Variants in ARHGAP17 observed in about 807,000 individuals in gnomAD.
ARHGAP17 encodes the protein rho GTPase-activating protein 17.
In ARHGAP17, 57 loss-of-function variants were observed where a neutral mutation model predicts 99.5. The observed-to-expected ratio is 0.57, with a 90% CI of 0.46 to 0.71. The LOEUF (loss-of-function observed/expected upper bound fraction) is 0.71, where lower values mean the gene tolerates loss of function less well. Ranked by LOEUF, ARHGAP17 falls within the 30% of genes least tolerant of loss-of-function variation. The pLI, the probability that ARHGAP17 is intolerant of heterozygous loss-of-function variation, is 0.00. For missense variants in ARHGAP17, 1,000 were observed against 1,122.4 expected, an observed-to-expected ratio of 0.89 and a Z score of 1.56; for synonymous variants, 417 against 429.6, an observed-to-expected ratio of 0.97 and a Z score of 0.36.
intron 13 of ARHGAP17, among the ~76,000 whole-genome samples, chr16:24,948,189 C>T (rs748161322): frequency 5.9e-5 from 9 of 152,068 alleles, no homozygotes; most frequent in Non-Finnish European, 1.2e-4. Flanking sequence ...AGATGTATTA[C>T]GCAAATACCT....
intron 17 of ARHGAP17, among the ~76,000 whole-genome samples, chr16:24,937,182 G>T (rs1344947579): frequency 6.6e-6 from 1 of 151,602 alleles, no homozygotes; most frequent in Non-Finnish European, 1.5e-5. Context: ...AGCACTTTGG[G>T]AGGCCAAGGC....
Position 24,931,351 on chromosome 16 carries a change from G to T in ARHGAP17, c.1948C>A (p.His650Asn), listed in dbSNP as rs769792964. The T allele has an allele frequency of 1.3e-6, 2 of 1,510,030 alleles. No individual in the cohort carries two copies. Among genetic ancestry groups the T allele is most frequent in the Non-Finnish European group, 8.8e-7 (1 of 1,132,274 alleles). The allele number at this position is 1,510,030 out of a possible 1,614,324, so 93.5% of individuals were successfully genotyped here. A position where few individuals can be genotyped will look rare whatever the true frequency, so the allele number is the denominator to read the frequency against. The change falls in exon 19 of 20, where the codon CAC (histidine) becomes AAC (asparagine). Residue 650 changes from histidine to asparagine, a missense_variant. Physicochemically the swap from His to Asn is moderately conservative, Grantham distance 68 (BLOSUM62 1). This residue lies in a region of ARHGAP17 where 528 missense variants were observed against 511.4 expected (regional missense o/e 1.03). Transcript: ENST00000289968. ...CCTGAAGAACTCTGGCCCCCGGGGT[G>T]GCCAGGAGGTGGGTTGCCCGGTTTC... ...PPKPGNPPPG[H>N]PGGQSSSGTS...
intron 1 of ARHGAP17, among the ~76,000 whole-genome samples, chr16:24,998,163 G>A (rs572020553): frequency 2.6e-5 from 4 of 152,204 alleles, no homozygotes; most frequent in Admixed American, 2.0e-4. Context: ...TGGGCCCCGG[G>A]CACAGGGACG....
intron 1 of ARHGAP17, among the ~76,000 whole-genome samples, chr16:25,000,534 T>C (rs374136769): frequency 6.6e-5 from 10 of 152,168 alleles, no homozygotes; most frequent in East Asian, 3.8e-4. Context: ...CATAAGATTA[T>C]AGGCAAATCT....
At chr16:24,977,811 C>T (rs1401280943) in intron 2 of ARHGAP17, among the ~76,000 whole-genome samples, 2 of 152,118 alleles carry the variant, frequency 1.3e-5, no homozygotes, top group African/African-American at 4.8e-5. Flanking sequence ...TCCCAAAATA[C>T]TATTGCTAGA....
intron 1 of ARHGAP17, among the ~76,000 whole-genome samples, chr16:25,010,721 G>A (rs1010196218): frequency 6.6e-6 from 1 of 152,210 alleles, no homozygotes; most frequent in Non-Finnish European, 1.5e-5. Flanking sequence ...TAGTTAAAAT[G>A]CAGATTTCAG....
At position 24,959,181 on chromosome 16, in the gene ARHGAP17, G is replaced by A. The variant is rs145680125; in HGVS notation, c.724+490C>T. Among the ~76,000 whole-genome samples the A allele has an allele frequency of 3.0e-3, 464 of 152,312 alleles. 6 individuals are homozygous for A. Among genetic ancestry groups the A allele is most frequent in the Non-Finnish European group, 1.1e-3 (72 of 68,022 alleles). On this transcript the variant is annotated intron_variant, in intron 9 of 19. Coordinates refer to ENST00000289968, the MANE Select transcript of ARHGAP17 (RefSeq NM_001006634.3). ...ATAAAGACAAAGGAGGAGTCTGAAC[G>A]AAGCGACCACGGTCTTAGGATTCAA...
rs549215496 is a variant in ARHGAP17, at chr16:24,969,844, GAT to G, written c.272+661_272+662del. Among the ~76,000 whole-genome samples the G allele has an allele frequency of 4.6e-5, 7 of 152,280 alleles. No individual in the cohort carries two copies. The South Asian group carries it at 1.5e-3, about 32-fold the overall frequency. The stretch of plus-strand genomic sequence containing the variant: ...GGAGGAAACTGTTCTAGGACAGCGA[GAT>G]AACTGTAGACGCTGAGAAATGGACT... On this transcript the variant is annotated intron_variant, in intron 4 of 19. Coordinates refer to ENST00000289968, the MANE Select transcript of ARHGAP17 (RefSeq NM_001006634.3).
intron 10 of ARHGAP17, among the ~76,000 whole-genome samples, chr16:24,953,934 C>T (rs928162844): frequency 7.2e-5 from 11 of 152,014 alleles, no homozygotes; most frequent in South Asian, 2.1e-4. Context: ...TTGATCTGAG[C>T]GCCGACTCCA....
chr16:24,975,244 G>A (rs2052480176), intron 3 of ARHGAP17, among the ~76,000 whole-genome samples: 1 of 152,200 alleles, frequency 6.6e-6, no homozygotes, highest in African/African-American at 2.4e-5. Context: ...AACACAGAAG[G>A]AAGAACTGAT....
Position 24,935,631 on chromosome 16 carries a change from T to C in ARHGAP17, c.1733A>G (p.Lys578Arg), listed in dbSNP as rs886509867. ...AGCTGCAGATACAGGGTCCTTCGGT[T>C]TGGGAGGACTAAGAGGAGTAAAAGT... ...GPSPGDGSPP[K>R]PKDPVSAAVP... The change falls in exon 18 of 20, where the codon AAA (lysine) becomes AGA (arginine). Residue 578 changes from lysine to arginine, a missense_variant. Lys to Arg is a conservative substitution (Grantham distance 26). Around this residue, in one of 2 missense-constraint regions of ARHGAP17, gnomAD observed 528 missense variants for 511.4 expected, o/e 1.03. Transcript: ENST00000289968. 1.1e-5 allele frequency: 18 copies of C among 1,613,786 alleles called. No homozygotes were observed. The highest frequency in any genetic ancestry group is 1.4e-5 in the Non-Finnish European group (17 of 1,180,006).
At chr16:24,940,859 C>G (rs989415686) in intron 16 of ARHGAP17, among the ~76,000 whole-genome samples, 1 of 152,160 alleles carries the variant, frequency 6.6e-6, no homozygotes, top group Non-Finnish European at 1.5e-5. Context: ...AAAAAGATAC[C>G]TGGCTTCTTG....
intron 1 of ARHGAP17, among the ~76,000 whole-genome samples, chr16:25,011,781 A>G (rs1375183015): frequency 6.6e-6 from 1 of 152,052 alleles, no homozygotes. Context: ...TTGGTCACTT[A>G]TGAGCCAATC....
At chr16:24,932,147 C>T (rs1291583343) in intron 18 of ARHGAP17, among the ~76,000 whole-genome samples, 2 of 151,390 alleles carry the variant, frequency 1.3e-5, no homozygotes, top group Non-Finnish European at 2.9e-5. Flanking sequence ...GGGGGACTAG[C>T]CCAATGTTGA....
chr16:24,965,597 A>G (rs569977901), intron 6 of ARHGAP17, among the ~76,000 whole-genome samples: 1 of 152,314 alleles, frequency 6.6e-6, no homozygotes, highest in South Asian at 2.1e-4. Context: ...ACACTCCTCC[A>G]CCAAAAGGCT....
intron 15 of ARHGAP17, 27 bp downstream of exon 15, chr16:24,943,744 G>C (rs375899646): frequency 6.3e-7 from 1 of 1,590,810 alleles, no homozygotes; most frequent in Non-Finnish European, 8.6e-7. Context: ...TTGCTTTGGC[G>C]GTCAATGAAA....
chr16:24,979,591 G>C (rs2052614400), intron 1 of ARHGAP17, among the ~76,000 whole-genome samples: 2 of 152,066 alleles, frequency 1.3e-5, no homozygotes, highest in South Asian at 4.1e-4. Context: ...GCTATGCTTT[G>C]AACTACTACT....
At chr16:24,989,332 C>G (rs890910804) in intron 1 of ARHGAP17, among the ~76,000 whole-genome samples, 3 of 152,204 alleles carry the variant, frequency 2.0e-5, no homozygotes, top group African/African-American at 7.2e-5. Context: ...CTCAGTCCAA[C>G]TTACAAGGAC....
chr16:24,926,118 AAAAGAAAAG>A (rs1334973199), intron 19 of ARHGAP17, among the ~76,000 whole-genome samples: 1 of 146,018 alleles, frequency 6.8e-6, no homozygotes, highest in African/African-American at 2.7e-5. Context: ...TGAAAAAAAA[AAAAGAAAAG>A]AAAAGAAAAG....
Sources: allele counts gnomAD v4.1 joint callset (sites outside exome capture counted in the v4.1 genomes callset), GRCh38; gene constraint gnomAD v4.1.1; regional missense constraint gnomAD v4.1.1; transcripts MANE v1.5; gene names NCBI Gene and HGNC (gene_info 2026-07-23, HGNC 2026-07-21).